ZNF407: variants seen among roughly 807,000 people sequenced by gnomAD.
The protein encoded by ZNF407 is zinc finger protein 407.
ZNF407 carries 17 observed loss-of-function variants against 131.2 expected under a neutral mutation model. The ratio of observed to expected loss-of-function variants is 0.13; its 90% CI spans 0.09 to 0.19. The LOEUF (loss-of-function observed/expected upper bound fraction) is 0.19. ZNF407 is among the 10% of genes least tolerant of loss of function. The pLI is 1.00. For synonymous variants in ZNF407, 1,156 were observed against 1,062.0 expected, an observed-to-expected ratio of 1.09 and a Z score of -1.72; for missense variants, 2,681 against 2,830.6, an observed-to-expected ratio of 0.95 and a Z score of 1.20.
chr18:74,995,901 G>T (rs567740290), intron 8 of ZNF407, among the ~76,000 whole-genome samples: 1 of 152,290 alleles, frequency 6.6e-6, no homozygotes, highest in African/African-American at 2.4e-5. Flanking sequence ...AGAATTGTTA[G>T]AAGCTTGGGA....
At chr18:74,644,139 T>A (rs1364978420) in intron 3 of ZNF407, among the ~76,000 whole-genome samples, 2 of 151,780 alleles carry the variant, frequency 1.3e-5, no homozygotes, top group East Asian at 3.8e-4. Context: ...TAACTTCAGG[T>A]TAAGAGCCAT....
chr18:74,724,527 G>C (rs1239351489), intron 3 of ZNF407, among the ~76,000 whole-genome samples: 2 of 151,978 alleles, frequency 1.3e-5, no homozygotes, highest in African/African-American at 2.4e-5. Context: ...ACTTCCATGA[G>C]ATCAACTTTT....
chr18:74,751,423 G>T (rs547945643), intron 3 of ZNF407, among the ~76,000 whole-genome samples: 90 of 151,926 alleles, frequency 5.9e-4, no homozygotes, highest in Non-Finnish European at 1.1e-3. Context: ...TGCACAATGT[G>T]CAGGTTTGTT....
intron 3 of ZNF407, among the ~76,000 whole-genome samples, chr18:74,722,410 T>C (rs1471530359): frequency 6.6e-6 from 1 of 152,228 alleles, no homozygotes; most frequent in Admixed American, 6.5e-5. Context: ...GCCACATTTC[T>C]TGCTAGCCTG....
chr18:74,953,312 T>C (rs1438039218), intron 8 of ZNF407, among the ~76,000 whole-genome samples: 3 of 152,162 alleles, frequency 2.0e-5, no homozygotes, highest in Admixed American at 2.0e-4. Flanking sequence ...CATGCCGCCT[T>C]CTGTGGTGGA....
intron 8 of ZNF407, among the ~76,000 whole-genome samples, chr18:74,953,846 C>A (rs1972244502): frequency 6.6e-6 from 1 of 152,190 alleles, no homozygotes; most frequent in Non-Finnish European, 1.5e-5. Context: ...ACCACACCAG[C>A]AGGAATCTGG....
At chr18:74,754,282 T>C (rs2144952835) in intron 3 of ZNF407, among the ~76,000 whole-genome samples, 1 of 152,318 alleles carries the variant, frequency 6.6e-6, no homozygotes, top group Admixed American at 6.5e-5. Flanking sequence ...ATTCTGTTGA[T>C]CTTTTCAAAA....
chr18:75,010,089 T>C (rs1972956138), intron 8 of ZNF407, among the ~76,000 whole-genome samples: 1 of 152,188 alleles, frequency 6.6e-6, no homozygotes, highest in Non-Finnish European at 1.5e-5. Flanking sequence ...GCTTAAGGCC[T>C]TCATGCCAGC....
At chr18:74,785,985 T>A (rs2145039124) in intron 4 of ZNF407, among the ~76,000 whole-genome samples, 1 of 152,332 alleles carries the variant, frequency 6.6e-6, no homozygotes, top group Admixed American at 6.5e-5. Flanking sequence ...TTCACAGGGT[T>A]GTTTACAAGC....
chr18:75,033,011 G>T (rs1426214452), intron 8 of ZNF407, among the ~76,000 whole-genome samples: 1 of 126,450 alleles, frequency 7.9e-6, no homozygotes, highest in East Asian at 2.4e-4. Context: ...TGCTCGGAAT[G>T]GGGGGAAGAT....
intron 4 of ZNF407, among the ~76,000 whole-genome samples, chr18:74,839,843 C>T (rs1345485854): frequency 6.6e-6 from 1 of 152,232 alleles, no homozygotes; most frequent in Non-Finnish European, 1.5e-5. Context: ...TAGGGAATGA[C>T]ATCAGTCATA....
At position 74,738,393 on chromosome 18, in the gene ZNF407, C is replaced by T. The variant is rs576229480; in HGVS notation, c.4803-43035C>T. Reference sequence around the variant, plus strand: ...CAAGATCGTGGCACTGCACTCCAGCCTGGACGACAGAGTGAGACTCTGTCT... The same window carrying T: ...CAAGATCGTGGCACTGCACTCCAGCTTGGACGACAGAGTGAGACTCTGTCT... On this transcript the variant is annotated intron_variant, in intron 3 of 8. Coordinates refer to ENST00000299687, the MANE Select transcript of ZNF407 (RefSeq NM_017757.3). Among the ~76,000 whole-genome samples, 17 of 133,180 alleles carry T rather than the reference C, an allele frequency of 1.3e-4. No individual in the cohort carries two copies. The South Asian group carries it at 3.9e-3, about 31-fold the overall frequency. The allele number at this position is 133,180 out of a possible 152,430, so 87.4% of individuals were successfully genotyped here. A position where few individuals can be genotyped will look rare whatever the true frequency, so the allele number is the denominator to read the frequency against.
chr18:74,989,173 A>G (rs1283282110), intron 8 of ZNF407, among the ~76,000 whole-genome samples: 1 of 152,250 alleles, frequency 6.6e-6, no homozygotes, highest in Non-Finnish European at 1.5e-5. Context: ...GCGCCTCAGC[A>G]ATGTTATCCT....
At chr18:74,718,168 T>A (rs896340711) in intron 3 of ZNF407, among the ~76,000 whole-genome samples, 2 of 152,094 alleles carry the variant, frequency 1.3e-5, no homozygotes, top group Non-Finnish European at 2.9e-5. Context: ...TAAAAGAACG[T>A]TCCTGTTTCC....
intron 4 of ZNF407, among the ~76,000 whole-genome samples, chr18:74,834,619 A>G (rs1481804572): frequency 1.3e-5 from 2 of 152,226 alleles, no homozygotes; most frequent in Non-Finnish European, 1.5e-5. Context: ...CAAATCATAC[A>G]TGGAAACTTC....
At position 75,063,926 on chromosome 18, in the gene ZNF407, C is replaced by A. The variant is rs1973675235; in HGVS notation, c.6205C>A (p.Gln2069Lys). The A allele has an allele frequency of 2.5e-6, 4 of 1,613,632 alleles. No homozygotes were observed. Among genetic ancestry groups the A allele is most frequent in the African/African-American group, 1.3e-5 (1 of 74,922 alleles). The stretch of plus-strand genomic sequence containing the variant: ...CCATCCCTCAGCAGCCATGGCCTCT[C>A]AGGAGCGGGCACAGGTGGCCTTCAA... ...VVHPSAAMASQERAQVAFKKM... is the reference protein window; with the variant it reads ...VVHPSAAMASKERAQVAFKKM... Residue 2069 changes from glutamine (Q) to lysine (K), a missense_variant, in exon 9 of 9, where the codon CAG becomes AAG. Physicochemically the swap from Gln to Lys is moderately conservative, Grantham distance 53. This residue lies in a region of ZNF407 where 620 missense variants were observed against 583.1 expected (regional missense o/e 1.06). Coordinates refer to ENST00000299687, the MANE Select transcript of ZNF407 (RefSeq NM_017757.3). This position sits in a 1 kb window ranked among gnomAD's most constrained non-coding sequence, Gnocchi z 6.6.
At chr18:75,022,044 TAAAATAG>T (rs1250710847) in intron 8 of ZNF407, among the ~76,000 whole-genome samples, 1 of 152,006 alleles carries the variant, frequency 6.6e-6, no homozygotes, top group African/African-American at 2.4e-5. Flanking sequence ...AGATCAATCA[TAAAATAG>T]AAAATAGAAA....
chr18:74,661,059 C>T (rs940442180), intron 3 of ZNF407, among the ~76,000 whole-genome samples: 44 of 152,034 alleles, frequency 2.9e-4, no homozygotes, highest in Non-Finnish European at 5.0e-4. Context: ...TTTTACAAAA[C>T]GATTTTCTTT....
chr18:74,779,356 C>G (rs1398440791), intron 3 of ZNF407, among the ~76,000 whole-genome samples: 1 of 151,614 alleles, frequency 6.6e-6, no homozygotes, highest in East Asian at 1.9e-4. Context: ...CCTTGTGATC[C>G]ACCTGCCTCA....
Sources: gnomAD v4.1 joint callset for allele counts (sites outside exome capture counted in the v4.1 genomes callset) on GRCh38, gnomAD v4.1.1 for gene constraint, gnomAD v4.1.1 regional missense constraint, Gnocchi (gnomAD v3.1) non-coding constraint, MANE v1.5 for transcripts, NCBI Gene and HGNC (gene_info 2026-07-23, HGNC 2026-07-21) for gene names.